TASP1: variants seen among roughly 807,000 people sequenced by gnomAD.
TASP1 encodes the protein taspase 1.
In TASP1, 16 loss-of-function variants were observed where a neutral mutation model predicts 56.6. The ratio of observed to expected loss-of-function variants is 0.28; its 90% CI spans 0.19 to 0.43. TASP1 has a LOEUF of 0.43. TASP1 is among the 20% of genes least tolerant of loss of function. TASP1 has a pLI of 1.00. For missense variants in TASP1, 393 were observed against 511.6 expected (o/e 0.77, Z 2.24); for synonymous variants, 179 against 184.2 (o/e 0.97, Z 0.23).
chr20:13,201,785 G>C, the TASP1 span, among the ~76,000 whole-genome samples: 4 of 147,714 alleles, frequency 2.7e-5, no homozygotes, highest in Admixed American at 1.4e-4. Flanking sequence ...ATGGAGTCTC[G>C]CTCTGTTGCC....
At chr20:13,329,403 A>G in the TASP1 span, among the ~76,000 whole-genome samples, 1 of 152,206 alleles carries the variant, frequency 6.6e-6, no homozygotes, top group Non-Finnish European at 1.5e-5. Context: ...TCAAAGAAAA[A>G]GCCCTCAGAA....
chr20:13,535,605 C>T (rs2045387810), intron 8 of TASP1, among the ~76,000 whole-genome samples: 1 of 152,156 alleles, frequency 6.6e-6, no homozygotes, highest in African/African-American at 2.4e-5. Context: ...AAGGCATGTG[C>T]CCTTCAAGAA....
chr20:13,464,280 C>T (rs2044166478), intron 11 of TASP1, among the ~76,000 whole-genome samples: 1 of 152,070 alleles, frequency 6.6e-6, no homozygotes, highest in Non-Finnish European at 1.5e-5. Flanking sequence ...GAAATTAGGA[C>T]ACAGAAAACT....
chr20:13,299,267 C>G, the TASP1 span: 2 of 1,608,856 alleles, frequency 1.2e-6, no homozygotes, highest in African/African-American at 1.3e-5. The surrounding 1 kb of genome is among the most constrained non-coding windows in gnomAD (Gnocchi z 5.8). Flanking sequence ...AGGGGGCGGG[C>G]ACGCCCAACC....
chr20:13,280,088 A>G, the TASP1 span, among the ~76,000 whole-genome samples: 2 of 152,208 alleles, frequency 1.3e-5, no homozygotes, highest in Non-Finnish European at 2.9e-5. Flanking sequence ...TGGAAAGACT[A>G]TAATTTTAAA....
chr20:13,502,109 G>C (rs529399458), intron 10 of TASP1, among the ~76,000 whole-genome samples: 2 of 151,704 alleles, frequency 1.3e-5, no homozygotes, highest in South Asian at 2.1e-4. Context: ...TTATAAATGA[G>C]CAAATAAATA....
chr20:13,275,773 A>G, the TASP1 span, among the ~76,000 whole-genome samples: 1 of 152,226 alleles, frequency 6.6e-6, no homozygotes, highest in South Asian at 2.1e-4. Flanking sequence ...TGGTGATGAT[A>G]TTGGAGATGA....
intron 4 of TASP1, among the ~76,000 whole-genome samples, chr20:13,616,230 C>T (rs115032769): frequency 3.9e-5 from 6 of 152,258 alleles, no homozygotes; most frequent in East Asian, 1.9e-4. Flanking sequence ...ATTGTTTCCA[C>T]GTAGTCAAAA....
the TASP1 span, among the ~76,000 whole-genome samples, chr20:13,136,520 A>G: frequency 6.6e-6 from 1 of 151,542 alleles, no homozygotes; most frequent in Non-Finnish European, 1.5e-5. Flanking sequence ...GGATCACTTG[A>G]CCCTAGGAGG....
the TASP1 span, chr20:13,288,824 G>A: frequency 8.1e-5 from 69 of 856,374 alleles, no homozygotes; most frequent in African/African-American, 1.4e-4. Context: ...TCTCCCTGTC[G>A]CCCAGGCTGG....
the TASP1 span, among the ~76,000 whole-genome samples, chr20:13,172,045 G>T: frequency 2.0e-5 from 3 of 151,708 alleles, no homozygotes; most frequent in Non-Finnish European, 2.9e-5. Context: ...TAAAGCAAAG[G>T]CCAGAAAAAA....
At chr20:13,299,520 G>C in the TASP1 span, 2 of 1,460,334 alleles carry the variant, frequency 1.4e-6, no homozygotes, top group Non-Finnish European at 1.8e-6. This position sits in a 1 kb window ranked among gnomAD's most constrained non-coding sequence, Gnocchi z 5.8. Context: ...GTGCTGCACT[G>C]ACGTGCCGAC....
chr20:13,213,472 C>A, the TASP1 span, among the ~76,000 whole-genome samples: 209 of 152,262 alleles, frequency 1.4e-3, 1 homozygote, highest in Non-Finnish European at 1.7e-3. Flanking sequence ...CTTTTGATTG[C>A]AGCAGACAAA....
chr20:13,289,981 A>G, the TASP1 span, among the ~76,000 whole-genome samples: 1 of 152,216 alleles, frequency 6.6e-6, no homozygotes, highest in African/African-American at 2.4e-5. Flanking sequence ...CATTTGGAAC[A>G]AAGGAGAAAT....
chr20:13,517,843 T>A (rs2044597216), intron 10 of TASP1, among the ~76,000 whole-genome samples: 1 of 152,116 alleles, frequency 6.6e-6, no homozygotes, highest in Non-Finnish European at 1.5e-5. Context: ...AGATATGAAG[T>A]GACCTAATTA....
intron 8 of TASP1, among the ~76,000 whole-genome samples, chr20:13,535,332 A>C (rs1234812479): frequency 6.6e-6 from 1 of 152,196 alleles, no homozygotes; most frequent in Non-Finnish European, 1.5e-5. Context: ...CAAACTGGAA[A>C]ACTCAGAAGT....
downstream of TASP1, among the ~76,000 whole-genome samples, chr20:13,385,953 T>C (rs1171204255): frequency 6.6e-6 from 1 of 152,172 alleles, no homozygotes; most frequent in Non-Finnish European, 1.5e-5. Context: ...CAAAGTTGTG[T>C]GGGGGATACT....
chr20:13,488,245 T>A (rs1275590617), intron 10 of TASP1, among the ~76,000 whole-genome samples: 1 of 152,036 alleles, frequency 6.6e-6, no homozygotes, highest in Non-Finnish European at 1.5e-5. Context: ...CATCCTTAAT[T>A]GTAACAGTTT....
chr20:13,296,930 A>G, the TASP1 span, among the ~76,000 whole-genome samples: 11 of 152,080 alleles, frequency 7.2e-5, no homozygotes. Context: ...AGGCAGGAGA[A>G]TTGCTTGAAC....
Sources: gnomAD v4.1 joint callset for allele counts (sites outside exome capture counted in the v4.1 genomes callset) on GRCh38, gnomAD v4.1.1 for gene constraint, Gnocchi (gnomAD v3.1) non-coding constraint, MANE v1.5 for transcripts, NCBI Gene and HGNC (gene_info 2026-07-23, HGNC 2026-07-21) for gene names.